The following COCH variants were observed in gnomAD, a reference collection of about 807,000 sequenced individuals.
COCH encodes coagulation factor C homolog, cochlin (Limulus polyphemus).
A neutral mutation model predicts 54.8 loss-of-function variants in COCH; 40 were observed. The ratio of observed to expected loss-of-function variants is 0.73; its 90% CI spans 0.57 to 0.95. The LOEUF is 0.95. COCH is among the 40% of genes least tolerant of loss of function. The pLI, the probability that COCH is intolerant of heterozygous loss-of-function variation, is 0.00. For missense variants in COCH, 605 were observed against 675.0 expected, an observed-to-expected ratio of 0.90 and a Z score of 1.15; for synonymous variants, 256 against 237.9, an observed-to-expected ratio of 1.08 and a Z score of -0.70.
Position 30,880,710 on chromosome 14 carries a change from C to T in COCH, c.605C>T (p.Pro202Leu). Residue 202 changes from proline (P) to leucine (L), a missense_variant, in exon 8 of 12, where the codon CCA (proline) becomes CTA (leucine). By Grantham distance (98) the Pro-to-Leu change is moderately conservative (BLOSUM62 -3). Coordinates refer to ENST00000396618, the MANE Select transcript of COCH (RefSeq NM_004086.3). Reference sequence around the variant, plus strand: ...ATGTTGGGAATTGGAACAGAAGGACCACATGTGGGCCTTGTTCAAGCCAGG... The same window carrying T: ...ATGTTGGGAATTGGAACAGAAGGACTACATGTGGGCCTTGTTCAAGCCAGG... ...ALMLGIGTEG[P>L]HVGLVQASEH... 1 of 1,613,540 alleles carries T rather than the reference C, an allele frequency of 6.2e-7. No individual in the cohort carries two copies. The highest frequency in any genetic ancestry group is 8.5e-7 in the Non-Finnish European group (1 of 1,179,690).
Position 30,885,616 on chromosome 14 carries a change from A to C in COCH, c.956A>C (p.Asp319Ala). 1 of 1,592,878 alleles carries C rather than the reference A, an allele frequency of 6.3e-7. No individual in the cohort carries two copies. Among genetic ancestry groups the C allele is most frequent in the Non-Finnish European group, 8.6e-7 (1 of 1,160,722 alleles). Reference sequence around the variant, plus strand: ...ATGGTTCAGGATGTCACATTTGTTGACAAGGTAAAGTGGTGAGGGTTATCT... The same window carrying C: ...ATGGTTCAGGATGTCACATTTGTTGCCAAGGTAAAGTGGTGAGGGTTATCT... Reference protein sequence around the residue: ...LGMVQDVTFVDKAVCRNNGFF... With the variant: ...LGMVQDVTFVAKAVCRNNGFF... The change falls in exon 10 of 12, where the codon GAC becomes GCC. Residue 319 changes from aspartate (D) to alanine (A), a missense_variant. Coordinates refer to ENST00000396618, the MANE Select transcript of COCH (RefSeq NM_004086.3).
intron 8 of COCH, among the ~76,000 whole-genome samples, chr14:30,882,591 A>C (rs1267898908): frequency 6.6e-6 from 1 of 152,182 alleles, no homozygotes; most frequent in African/African-American, 2.4e-5. Context: ...CTGCATGATT[A>C]GTCATTCTTA....
At chr14:30,878,064 A>C (rs548826162) in intron 4 of COCH, among the ~76,000 whole-genome samples, 1 of 152,308 alleles carries the variant, frequency 6.6e-6, no homozygotes, top group South Asian at 2.1e-4. Context: ...GTAGAATTTT[A>C]CTCCAGTTAC....
At chr14:30,881,829 T>TAC (rs1895600542) in intron 8 of COCH, among the ~76,000 whole-genome samples, 1 of 149,814 alleles carries the variant, frequency 6.7e-6, no homozygotes, top group Non-Finnish European at 1.5e-5. Flanking sequence ...CCGGGCGTGG[T>TAC]GGCAGGCGCC....
At position 30,877,825 on chromosome 14, in the gene COCH, C is replaced by A. The variant is rs1040663649; in HGVS notation, c.239+97C>A. 2 of 1,580,590 alleles carry A rather than the reference C, an allele frequency of 1.3e-6. No individual in the cohort carries two copies. Among genetic ancestry groups the A allele is most frequent in the Non-Finnish European group, 1.7e-6 (2 of 1,164,048 alleles). ...GATCCCTTTCCTCCCTGCATTCTTT[C>A]TTTTGTTGCCATTGTGGCCACAGAA... On this transcript the variant is annotated intron_variant, in intron 4 of 11. Transcript: ENST00000396618. This position sits in a 1 kb window ranked among gnomAD's most constrained non-coding sequence, Gnocchi z 8.6.
chr14:30,889,861 C>A lies in COCH; in HGVS notation c.*70C>A. 6.4e-7 allele frequency: 1 copy of A among 1,551,796 alleles called. No individual in the cohort carries two copies. Reference sequence around the variant, plus strand: ...GTGTGTAAATTGTATTCTCATAATACTGAAATGCTTTAGCATACTAGAATC... The same window carrying A: ...GTGTGTAAATTGTATTCTCATAATAATGAAATGCTTTAGCATACTAGAATC... On this transcript the variant is annotated 3_prime_UTR_variant, in exon 12 of 12. Transcript: ENST00000396618.
chr14:30,895,480 A>C, downstream of COCH: 1 of 1,614,142 alleles, frequency 6.2e-7, no homozygotes, highest in Non-Finnish European at 8.5e-7. Context: ...AGTGGAAAGC[A>C]ACATCATAAA....
At position 30,877,346 on chromosome 14, in the gene COCH, A is replaced by G; in HGVS notation, c.83-226A>G. On this transcript the variant is annotated intron_variant, in intron 3 of 11. Coordinates refer to ENST00000396618, the MANE Select transcript of COCH (RefSeq NM_004086.3). This position sits in a 1 kb window ranked among gnomAD's most constrained non-coding sequence, Gnocchi z 8.6. ...AACAAAAACGAAATAAAAACCCAGA[A>G]CTTTCACATTAGAGTTTTATAGTGG... 1 of 540,990 alleles carries G rather than the reference A, an allele frequency of 1.8e-6. No homozygotes were observed. Among genetic ancestry groups the G allele is most frequent in the Non-Finnish European group, 3.2e-6 (1 of 310,486 alleles). The allele number at this position is 540,990 out of a possible 1,614,324, so 33.5% of individuals were successfully genotyped here. A position where few individuals can be genotyped will look rare whatever the true frequency, so the allele number is the denominator to read the frequency against.
In COCH at chr14:30,875,099, A is replaced by G; in HGVS notation, c.78A>G (p.Gly26=). The G allele has an allele frequency of 6.4e-7, 1 of 1,570,622 alleles. No homozygotes were observed. The highest frequency in any genetic ancestry group is 8.6e-7 in the Non-Finnish European group (1 of 1,158,646). ...TGCCGGGGCCCGCGGGCAGCGAGGG[A>G]GCCGGTGAGTGGGGGAGCTGGGGTG... ...LLLPGPAGSE[G]AAPIAITCFT... is the part of the protein sequence containing the mutation. The change falls in exon 3 of 12, where the codon GGA becomes GGG. Residue 26 remains glycine, a synonymous_variant. Transcript: ENST00000396618.
intron 3 of COCH, chr14:30,876,613 T>C (rs1254927471): frequency 6.6e-6 from 1 of 152,220 alleles, no homozygotes. Flanking sequence ...TTTTGTTGGC[T>C]TCCTTAATGT....
Position 30,889,844 on chromosome 14 carries a change from A to T in COCH, c.*53A>T. On this transcript the variant is annotated 3_prime_UTR_variant, in exon 12 of 12. Coordinates refer to ENST00000396618, the MANE Select transcript of COCH (RefSeq NM_004086.3). Reference sequence around the variant, plus strand: ...AAGTACAAGGGGATCCAGTGTGTAAATTGTATTCTCATAATACTGAAATGC... The same window carrying T: ...AAGTACAAGGGGATCCAGTGTGTAATTTGTATTCTCATAATACTGAAATGC... 6.3e-7 allele frequency: 1 copy of T among 1,580,526 alleles called. No individual in the cohort carries two copies. The highest frequency in any genetic ancestry group is 8.6e-7 in the Non-Finnish European group (1 of 1,160,488).
At position 30,877,835 on chromosome 14, in the gene COCH, C is replaced by T. The variant is rs1017722426; in HGVS notation, c.239+107C>T. ...CTCCCTGCATTCTTTCTTTTGTTGC[C>T]ATTGTGGCCACAGAAAATGGATATA... On this transcript the variant is annotated intron_variant, in intron 4 of 11. Transcript: ENST00000396618. This position sits in a 1 kb window ranked among gnomAD's most constrained non-coding sequence, Gnocchi z 8.6. 15 of 1,555,168 alleles carry T rather than the reference C, an allele frequency of 9.6e-6. No homozygotes were observed. Among genetic ancestry groups the T allele is most frequent in the Non-Finnish European group, 1.2e-5 (14 of 1,146,590 alleles).
downstream of COCH, among the ~76,000 whole-genome samples, chr14:30,892,326 A>C (rs1393566250): frequency 2.6e-5 from 4 of 152,204 alleles, no homozygotes; most frequent in Non-Finnish European, 2.9e-5. Flanking sequence ...GCATTCCAAT[A>C]ATCATCACAT....
rs949717822 is a variant in COCH, at chr14:30,877,273, C to T, written c.83-299C>T. The T allele has an allele frequency of 1.7e-4, 64 of 375,720 alleles. No homozygotes were observed. Among genetic ancestry groups the T allele is most frequent in the African/African-American group, 9.3e-4 (45 of 48,174 alleles). 23.3% of individuals were successfully genotyped at this position (375,720 alleles called of 1,614,324 possible). A position where few individuals can be genotyped will look rare whatever the true frequency, so the allele number is the denominator to read the frequency against. ...GAGTTGGAGGTGGATCACTTGAGCTCGGGAATTTGAGCCTAGCTTGGGCAA... is the reference window on the plus strand; with the variant it reads ...GAGTTGGAGGTGGATCACTTGAGCTTGGGAATTTGAGCCTAGCTTGGGCAA... On this transcript the variant is annotated intron_variant, in intron 3 of 11. Coordinates refer to ENST00000396618, the MANE Select transcript of COCH (RefSeq NM_004086.3). The surrounding 1 kb of genome is among the most constrained non-coding windows in gnomAD (Gnocchi z 8.6).
At chr14:30,890,922 T>C (rs1227051814), downstream of COCH, among the ~76,000 whole-genome samples, 1 of 151,782 alleles carries the variant, frequency 6.6e-6, no homozygotes. Context: ...GTCTGTAGTC[T>C]GAGCTACTTG....
intron 11 of COCH, among the ~76,000 whole-genome samples, chr14:30,887,039 C>G (rs1434816713): frequency 6.6e-6 from 1 of 152,052 alleles, no homozygotes; most frequent in Admixed American, 6.6e-5. Flanking sequence ...TTATTTTAGT[C>G]AAGTTTTGTC....
In COCH at chr14:30,889,711, A is replaced by G. The variant is rs1202943676; in HGVS notation, c.1573A>G (p.Arg525Gly). The change falls in exon 12 of 12, where the codon AGA (arginine) becomes GGA (glycine). Residue 525 changes from arginine to glycine, a missense_variant. Coordinates refer to ENST00000396618, the MANE Select transcript of COCH (RefSeq NM_004086.3). ...GAAGGAGTCTCATGCTTTCTTCACA[A>G]GAGAGTTCACAGGATTAGAACCAAT... ...KPKESHAFFTREFTGLEPIVS... is the reference protein window; with the variant it reads ...KPKESHAFFTGEFTGLEPIVS... 2 of 1,614,122 alleles carry G rather than the reference A, an allele frequency of 1.2e-6. No homozygotes were observed. Among genetic ancestry groups the G allele is most frequent in the African/African-American group, 1.3e-5 (1 of 75,072 alleles).
intron 3 of COCH, chr14:30,875,595 A>G (rs757141145): frequency 7.3e-6 from 3 of 408,288 alleles, no homozygotes; most frequent in Middle Eastern, 6.3e-4. Flanking sequence ...TCTAGGTGTA[A>G]CCCCTATAAT....
In COCH at chr14:30,877,299, C is replaced by G. The variant is rs1345050928; in HGVS notation, c.83-273C>G. On this transcript the variant is annotated intron_variant, in intron 3 of 11. Coordinates refer to ENST00000396618, the MANE Select transcript of COCH (RefSeq NM_004086.3). This position sits in a 1 kb window ranked among gnomAD's most constrained non-coding sequence, Gnocchi z 8.6. ...GGGAATTTGAGCCTAGCTTGGGCAACTTGGCGAGTCCCCATTTCAAAAACA... is the reference window on the plus strand; with the variant it reads ...GGGAATTTGAGCCTAGCTTGGGCAAGTTGGCGAGTCCCCATTTCAAAAACA... 7.5e-6 allele frequency: 3 copies of G among 401,836 alleles called. No homozygotes were observed. Among genetic ancestry groups the G allele is most frequent in the Middle Eastern group, 7.7e-4 (1 of 1,298 alleles). The allele number at this position is 401,836 out of a possible 1,614,324, so 24.9% of individuals were successfully genotyped here. A position where few individuals can be genotyped will look rare whatever the true frequency, so the allele number is the denominator to read the frequency against.
Sources: gnomAD v4.1 joint callset for allele counts (sites outside exome capture counted in the v4.1 genomes callset) on GRCh38, gnomAD v4.1.1 for gene constraint, Gnocchi (gnomAD v3.1) non-coding constraint, MANE v1.5 for transcripts, NCBI Gene and HGNC (gene_info 2026-07-23, HGNC 2026-07-21) for gene names.